Variants in NFE2L1 observed in about 807,000 individuals in gnomAD.
The protein encoded by NFE2L1 is endoplasmic reticulum membrane sensor NFE2L1.
In NFE2L1, 18 loss-of-function variants were observed where a neutral mutation model predicts 61.6. The ratio of observed to expected loss-of-function variants is 0.29; its 90% confidence interval spans 0.20 to 0.43. The LOEUF (loss-of-function observed/expected upper bound fraction) is 0.43. NFE2L1 is among the 20% of genes least tolerant of loss of function. The pLI is 1.00. For missense variants in NFE2L1, 827 were observed against 973.5 expected (o/e 0.85, Z 2.00); for synonymous variants, 419 against 402.7 (o/e 1.04, Z -0.48).
chr17:48,051,794 TG>T (rs2037259083), intron 2 of NFE2L1, among the ~76,000 whole-genome samples, 166 bp downstream of exon 2: 1 of 152,092 alleles, frequency 6.6e-6, no homozygotes, highest in African/African-American at 2.4e-5. Flanking sequence ...ACTTTAGGAT[TG>T]GGGGCTGGGA....
chr17:48,051,603 C>A lies in NFE2L1; in HGVS notation c.485C>A (p.Pro162Gln). The change falls in exon 2 of 6, where the codon CCA becomes CAA. Residue 162 changes from proline (P) to glutamine (Q), a missense_variant. Pro to Gln is a moderately conservative substitution (Grantham distance 76). This residue lies in a region of NFE2L1 where 667 missense variants were observed against 748.4 expected (regional missense o/e 0.89). Transcript: ENST00000362042. ...DLEDLGAVAP[P>Q]VSGDLTKEDI... The stretch of plus-strand genomic sequence containing the variant: ...GAGGATTTGGGGGCTGTAGCCCCCC[C>A]AGTCAGTGGAGACTTAACCAAAGAG... 1.9e-6 allele frequency: 3 copies of A among 1,613,678 alleles called. No individual in the cohort carries two copies. Among genetic ancestry groups the A allele is most frequent in the East Asian group, 2.2e-5 (1 of 44,882 alleles).
rs554470853 is a variant in NFE2L1 at position 48,049,863 on chromosome 17, T to C, written c.-512-744T>C. On this transcript the variant is annotated intron_variant, in intron 1 of 5. Transcript: ENST00000362042. The stretch of plus-strand genomic sequence containing the variant: ...TTGAACTGAGAAAAGACAACTGTTA[T>C]GGGTGGTTTTCTCCCGAGGGGTGAA... 2.0e-4 allele frequency among the ~76,000 whole-genome samples: 30 copies of C among 152,342 alleles called. No individual in the cohort carries two copies. In the South Asian group the frequency reaches 5.6e-3, roughly 28 times the overall value.
intron 2 of NFE2L1, among the ~76,000 whole-genome samples, chr17:48,055,386 A>G (rs540298610): frequency 6.6e-6 from 1 of 152,220 alleles, no homozygotes; most frequent in East Asian, 1.9e-4. Flanking sequence ...AGGAAGCCCA[A>G]ATAGCTCTAT....
Position 48,061,456 on chromosome 17 carries a change from A to T in NFE2L1, c.*1815A>T, listed in dbSNP as rs912470177. 2.0e-5 allele frequency: 3 copies of T among 152,324 alleles called. No individual in the cohort carries two copies. The highest frequency in any genetic ancestry group is 7.2e-5 in the African/African-American group (3 of 41,574). 9.4% of individuals were successfully genotyped at this position (152,324 alleles called of 1,614,324 possible). On this transcript the variant is annotated 3_prime_UTR_variant, in exon 6 of 6. Transcript: ENST00000362042. ...AGAGAGATGCTGTTGAGCACATGAC[A>T]AAATAAAATAAAATGGATGATTCAT...
chr17:48,053,833 C>T (rs746703207), intron 2 of NFE2L1, among the ~76,000 whole-genome samples: 1 of 151,832 alleles, frequency 6.6e-6, no homozygotes, highest in African/African-American at 2.4e-5. Flanking sequence ...TGAATAAAGC[C>T]GGGGTGAAAG....
chr17:48,058,191 C>G (rs1038756264), intron 5 of NFE2L1, 104 bp from the exon 6 acceptor site: 2 of 1,473,910 alleles, frequency 1.4e-6, no homozygotes, highest in Non-Finnish European at 1.8e-6. Flanking sequence ...AGTATTTTGC[C>G]TTTACACCCA....
intron 1 of NFE2L1, among the ~76,000 whole-genome samples, chr17:48,049,878 C>T (rs1005244936): frequency 2.0e-5 from 3 of 152,066 alleles, no homozygotes; most frequent in Admixed American, 6.5e-5. Flanking sequence ...GGTTTTCTCC[C>T]GAGGGGTGAA....
intron 2 of NFE2L1, chr17:48,055,118 G>A (rs1224053950): frequency 2.8e-6 from 4 of 1,430,450 alleles, no homozygotes; most frequent in South Asian, 2.8e-5. Flanking sequence ...GGCCCAGCCC[G>A]CCTCTGCTCC....
intron 3 of NFE2L1, 26 bp downstream of exon 3, chr17:48,056,624 T>C (rs1386331622): frequency 2.5e-6 from 4 of 1,607,776 alleles, no homozygotes; most frequent in Non-Finnish European, 3.4e-6. Context: ...CTCACTGGGC[T>C]CTCTTCTTGT....
In NFE2L1 at chr17:48,051,596, G is replaced by T. The variant is rs2144353552; in HGVS notation, c.478G>T (p.Ala160Ser). The T allele has an allele frequency of 6.2e-7, 1 of 1,613,960 alleles. No individual in the cohort carries two copies. Among genetic ancestry groups the T allele is most frequent in the South Asian group, 1.1e-5 (1 of 91,068 alleles). ...AGATTTGGAGGATTTGGGGGCTGTA[G>T]CCCCCCCAGTCAGTGGAGACTTAAC... ...GEDLEDLGAV[A>S]PPVSGDLTKE... Residue 160 changes from alanine to serine, a missense_variant, in exon 2 of 6, where the codon GCC (alanine) becomes TCC (serine). Physicochemically the swap from Ala to Ser is moderately conservative, Grantham distance 99 (BLOSUM62 1). This residue lies in a region of NFE2L1 where 667 missense variants were observed against 748.4 expected (regional missense o/e 0.89). Transcript: ENST00000362042.
intron 2 of NFE2L1, among the ~76,000 whole-genome samples, chr17:48,052,306 G>C (rs2037273580): frequency 6.6e-6 from 1 of 152,228 alleles, no homozygotes; most frequent in Admixed American, 6.5e-5. Flanking sequence ...CTGACATACT[G>C]TTCTGGGCAG....
chr17:48,051,762 T>A, intron 2 of NFE2L1, 134 bp downstream of exon 2: 2 of 1,138,344 alleles, frequency 1.8e-6, no homozygotes, highest in Non-Finnish European at 2.5e-6. Flanking sequence ...TGTTCTTGGG[T>A]AGGGATGGGC....
chr17:48,058,784 T>A lies in NFE2L1; in HGVS notation c.1462T>A (p.Ser488Thr), dbSNP rs769182071. 6.2e-7 allele frequency: 1 copy of A among 1,614,152 alleles called. No individual in the cohort carries two copies. Among genetic ancestry groups the A allele is most frequent in the Non-Finnish European group, 8.5e-7 (1 of 1,180,018 alleles). The change falls in exon 6 of 6, where the codon TCT (serine) becomes ACT (threonine). Residue 488 changes from serine to threonine, a missense_variant. This residue lies in a region of NFE2L1 where 667 missense variants were observed against 748.4 expected (regional missense o/e 0.89). Coordinates refer to ENST00000362042, the MANE Select transcript of NFE2L1 (RefSeq NM_003204.3). ...TTCCTTAGACTCGAGCCATAGCCCT[T>A]CTTCCCTAAGCAGCTCTGAAGGCAG... ...GLSLDSSHSP[S>T]SLSSSEGSSS... is the part of the protein sequence containing the mutation.
rs1231167583 is a variant in NFE2L1 at position 48,058,570 on chromosome 17, C to G, written c.1248C>G (p.Leu416=). ...STFGSTNLTG[L]FFPPQLNGTA... ...TCGGCTCCACCAACCTGACAGGGCT[C>G]TTCTTTCCACCCCAGCTCAATGGCA... is the stretch of plus-strand genomic sequence containing the variant. The change falls in exon 6 of 6, where the codon CTC becomes CTG. Residue 416 remains leucine (L), a synonymous_variant. Coordinates refer to ENST00000362042, the MANE Select transcript of NFE2L1 (RefSeq NM_003204.3). 12 of 1,613,662 alleles carry G rather than the reference C, an allele frequency of 7.4e-6. No homozygotes were observed. Among genetic ancestry groups the G allele is most frequent in the Non-Finnish European group, 9.3e-6 (11 of 1,179,732 alleles).
At chr17:48,054,500 C>T in intron 2 of NFE2L1, 1 of 899,210 alleles carries the variant, frequency 1.1e-6, no homozygotes. Context: ...TCGGCGCAGC[C>T]TAGGTAACGA....
At chr17:48,051,912 G>A (rs2037262620) in intron 2 of NFE2L1, among the ~76,000 whole-genome samples, 1 of 152,174 alleles carries the variant, frequency 6.6e-6, no homozygotes, top group South Asian at 2.1e-4. Context: ...CAGCGTGACT[G>A]CTGGAGGCCT....
rs2037410089 is a variant in NFE2L1 at position 48,056,696 on chromosome 17, G to A, written c.723+98G>A. Reference sequence around the variant, plus strand: ...CCAGAAACTTCCTTTAGAGAAGACAGGTGGTGTGTGGGGTGGACCTGAATT... The same window carrying A: ...CCAGAAACTTCCTTTAGAGAAGACAAGTGGTGTGTGGGGTGGACCTGAATT... On this transcript the variant is annotated intron_variant, in intron 3 of 5. Coordinates refer to ENST00000362042, the MANE Select transcript of NFE2L1 (RefSeq NM_003204.3). 4 of 1,419,782 alleles carry A rather than the reference G, an allele frequency of 2.8e-6. No individual in the cohort carries two copies. The South Asian group carries it at 5.2e-5, about 18-fold the overall frequency. The allele number at this position is 1,419,782 out of a possible 1,614,324, so 87.9% of individuals were successfully genotyped here.
chr17:48,056,488 A>G lies in NFE2L1; in HGVS notation c.613A>G (p.Lys205Glu). The part of the protein sequence containing the change: ...SHRQKEQDVE[K>E]ELRDGGEQDT... Reference sequence around the variant, plus strand: ...CCGCCAGAAGGAGCAGGATGTGGAGAAGGAGCTGCGAGATGGAGGCGAGCA... The same window carrying G: ...CCGCCAGAAGGAGCAGGATGTGGAGGAGGAGCTGCGAGATGGAGGCGAGCA... The change falls in exon 3 of 6, where the codon AAG (lysine) becomes GAG (glutamate). Residue 205 changes from lysine to glutamate, a missense_variant. Lys to Glu is a moderately conservative substitution (Grantham distance 56). Coordinates refer to ENST00000362042, the MANE Select transcript of NFE2L1 (RefSeq NM_003204.3). 3 of 1,614,062 alleles carry G rather than the reference A, an allele frequency of 1.9e-6. No individual in the cohort carries two copies. The highest frequency in any genetic ancestry group is 2.5e-6 in the Non-Finnish European group (3 of 1,179,998).
At chr17:48,049,393 C>CT (rs908208948) in intron 1 of NFE2L1, among the ~76,000 whole-genome samples, 43 of 152,088 alleles carry the variant, frequency 2.8e-4, no homozygotes, top group South Asian at 1.0e-3. Context: ...TCTTTTCTTT[C>CT]TTTTTTTTCT....
Sources: allele counts gnomAD v4.1 joint callset (sites outside exome capture counted in the v4.1 genomes callset), GRCh38; gene constraint gnomAD v4.1.1; regional missense constraint gnomAD v4.1.1; transcripts MANE v1.5; gene names NCBI Gene and HGNC (gene_info 2026-07-23, HGNC 2026-07-21).